The following PCDH15 variants were observed in gnomAD, a reference collection of about 807,000 sequenced individuals.
PCDH15 encodes protocadherin-15.
PCDH15 carries 129 observed loss-of-function variants against 178.5 expected under a neutral mutation model. The observed-to-expected ratio is 0.72, with a 90% CI of 0.63 to 0.84. The LOEUF (loss-of-function observed/expected upper bound fraction) is 0.84, where lower values mean the gene tolerates loss of function less well. Among genes scored for constraint, PCDH15 ranks in the 40% least tolerant of loss-of-function variants. The pLI, the probability that PCDH15 is intolerant of heterozygous loss-of-function variation, is 0.00. For missense variants in PCDH15, 2,230 were observed against 2,099.9 expected, an observed-to-expected ratio of 1.06 and a Z score of -1.21; for synonymous variants, 800 against 732.0, an observed-to-expected ratio of 1.09 and a Z score of -1.50.
chr10:53,974,742 G>C, intron 21 of PCDH15, among the ~76,000 whole-genome samples: 1 of 151,920 alleles, frequency 6.6e-6, no homozygotes, highest in Non-Finnish European at 1.5e-5. Context: ...AAGTGATGGC[G>C]ACCACAGGCG....
At chr10:54,621,371 A>C (rs1383472161) in intron 2 of PCDH15, among the ~76,000 whole-genome samples, 1 of 151,930 alleles carries the variant, frequency 6.6e-6, no homozygotes, top group Non-Finnish European at 1.5e-5. Flanking sequence ...CCTCAAGATT[A>C]TTTTTTAAGA....
At chr10:55,048,560 C>A (rs945242713) in intron 2 of PCDH15, among the ~76,000 whole-genome samples, 1 of 151,832 alleles carries the variant, frequency 6.6e-6, no homozygotes, top group African/African-American at 2.4e-5. Flanking sequence ...ATCTTAATTG[C>A]ATCTTGTGAA....
intron 2 of PCDH15, among the ~76,000 whole-genome samples, chr10:55,603,150 G>A (rs1191061833): frequency 6.6e-6 from 1 of 152,050 alleles, no homozygotes; most frequent in Non-Finnish European, 1.5e-5. Flanking sequence ...AATGGAAGAT[G>A]AAATGAATGA....
chr10:55,029,704 T>A (rs1206635019), intron 2 of PCDH15, among the ~76,000 whole-genome samples: 1 of 152,128 alleles, frequency 6.6e-6, no homozygotes, highest in Non-Finnish European at 1.5e-5. Flanking sequence ...CATTCTTGTG[T>A]ATTTGAATTC....
chr10:53,935,895 A>C (rs2384337), intron 25 of PCDH15, among the ~76,000 whole-genome samples: 77,987 of 151,896 alleles, frequency 0.51, 21,852 homozygotes, highest in Middle Eastern at 0.69. Context: ...GATTTAGAAA[A>C]TTACTATTGG....
chr10:55,547,760 C>T (rs1841915196), intron 2 of PCDH15, among the ~76,000 whole-genome samples: 1 of 151,914 alleles, frequency 6.6e-6, no homozygotes, highest in Non-Finnish European at 1.5e-5. Context: ...AAAATCATTA[C>T]AAGTTCATCT....
At chr10:55,181,474 T>C (rs1839644601) in intron 1 of PCDH15, among the ~76,000 whole-genome samples, 1 of 151,994 alleles carries the variant, frequency 6.6e-6, no homozygotes, top group Admixed American at 6.6e-5. Flanking sequence ...GGCACCTTGA[T>C]CCACAATTAT....
rs181290518 is a variant in PCDH15 at position 54,232,608 on chromosome 10, T to C, written c.985+4215A>G. Among the ~76,000 whole-genome samples the C allele has an allele frequency of 2.6e-5, 4 of 152,326 alleles. No homozygotes were observed. In the East Asian group the frequency reaches 5.8e-4, roughly 22 times the overall value. On this transcript the variant is annotated intron_variant, in intron 9 of 37. Coordinates refer to ENST00000644397, the MANE Select transcript of PCDH15 (RefSeq NM_001384140.1). ...AATTTTTTATTTTTTCTGAAGTCAGTTTGAATAGTTTGATTCCAGGAATTT... is the reference window on the plus strand; with the variant it reads ...AATTTTTTATTTTTTCTGAAGTCAGCTTGAATAGTTTGATTCCAGGAATTT...
chr10:54,651,809 T>C (rs1704337320), intron 2 of PCDH15, among the ~76,000 whole-genome samples: 1 of 152,226 alleles, frequency 6.6e-6, no homozygotes, highest in Non-Finnish European at 1.5e-5. Flanking sequence ...GAGATAGTTA[T>C]ACAGTTCTGC....
chr10:54,838,746 G>A (rs1173999575), intron 3 of PCDH15, among the ~76,000 whole-genome samples: 1 of 152,116 alleles, frequency 6.6e-6, no homozygotes, highest in Non-Finnish European at 1.5e-5. Context: ...GTACCTAGAG[G>A]CAGGCCTGTC....
chr10:54,817,025 G>C (rs578182309), intron 3 of PCDH15, among the ~76,000 whole-genome samples: 1 of 151,968 alleles, frequency 6.6e-6, no homozygotes, highest in Non-Finnish European at 1.5e-5. Context: ...TGAAAGGCAG[G>C]CAACCTAAAC....
At chr10:54,973,627 C>T (rs1367493998) in intron 2 of PCDH15, among the ~76,000 whole-genome samples, 1 of 152,140 alleles carries the variant, frequency 6.6e-6, no homozygotes, top group African/African-American at 2.4e-5. Flanking sequence ...TTATTGCTTA[C>T]ATGAGCAGAC....
At chr10:54,705,756 A>ATATT (rs1746334877) in intron 1 of PCDH15, among the ~76,000 whole-genome samples, 1 of 152,166 alleles carries the variant, frequency 6.6e-6, no homozygotes. Context: ...ATATTACTTA[A>ATATT]TATTTACTGG....
At chr10:54,253,214 A>G (rs1188995904) in intron 8 of PCDH15, among the ~76,000 whole-genome samples, 2 of 152,242 alleles carry the variant, frequency 1.3e-5, no homozygotes, top group South Asian at 2.1e-4. Flanking sequence ...ATGAATAAAA[A>G]TAACTTTGTT....
Position 55,019,402 on chromosome 10 carries a change from G to T in PCDH15, c.-79-121902C>A, listed in dbSNP as rs538528999. 9.2e-5 allele frequency among the ~76,000 whole-genome samples: 14 copies of T among 151,742 alleles called. No individual in the cohort carries two copies. The East Asian group carries it at 2.5e-3, about 27-fold the overall frequency. On this transcript the variant is annotated intron_variant, in intron 2 of 5. Transcript: ENST00000458638. The stretch of plus-strand genomic sequence containing the variant: ...ATTTTTTAGGAGACAATTCTCCATG[G>T]TTCTCTTGCATTTTACATGACTTTC...
intron 3 of PCDH15, among the ~76,000 whole-genome samples, chr10:54,386,368 C>A (rs1205434227): frequency 6.6e-6 from 1 of 151,766 alleles, no homozygotes; most frequent in Admixed American, 6.6e-5. Context: ...ATGTGGCCTG[C>A]GGATCATAGG....
chr10:54,653,658 C>T (rs2094312400), intron 2 of PCDH15, among the ~76,000 whole-genome samples: 2 of 152,250 alleles, frequency 1.3e-5, no homozygotes, highest in South Asian at 4.1e-4. Flanking sequence ...GGGGTCATAG[C>T]ACAGCATGTA....
Position 55,226,427 on chromosome 10 carries a change from G to A in PCDH15, c.-155-59776C>T, listed in dbSNP as rs574083994. Among the ~76,000 whole-genome samples the A allele has an allele frequency of 2.0e-3, 277 of 139,876 alleles. 3 individuals carry two copies. Among genetic ancestry groups the A allele is most frequent in the Non-Finnish European group, 2.8e-3 (174 of 61,654 alleles). The allele number at this position is 139,876 out of a possible 152,430, so 91.8% of individuals were successfully genotyped here. On this transcript the variant is annotated intron_variant, in intron 1 of 5. Coordinates refer to the PCDH15 transcript ENST00000458638. ...CCCTGGAGTGCAGTGGCATCATGTC[G>A]GCTCACTGCAACCCTGCAACCCTGC...
chr10:55,323,528 C>T (rs940834407), upstream of PCDH15, among the ~76,000 whole-genome samples: 1 of 152,188 alleles, frequency 6.6e-6, no homozygotes, highest in African/African-American at 2.4e-5. Flanking sequence ...ATCAGTGTGA[C>T]CTGGATGTGA....
Sources: gnomAD v4.1 joint callset for allele counts (sites outside exome capture counted in the v4.1 genomes callset) on GRCh38, gnomAD v4.1.1 for gene constraint, MANE v1.5 for transcripts, NCBI Gene and HGNC (gene_info 2026-07-23, HGNC 2026-07-21) for gene names.